Variants in TENM2 observed in about 807,000 individuals in gnomAD.
TENM2 encodes teneurin transmembrane protein 2.
Under a neutral mutation model 245.2 loss-of-function variants are expected in TENM2, and 52 were observed. That is an observed-to-expected ratio of 0.21 (90% CI 0.17 to 0.27). The LOEUF is 0.27. Among genes scored for constraint, TENM2 ranks in the 10% least tolerant of loss-of-function variants. The probability of loss-of-function intolerance (pLI) is 1.00; values close to 1 mark genes in which losing one functional copy is unlikely to be tolerated. For missense variants in TENM2, 3,046 were observed against 3,666.8 expected, an observed-to-expected ratio of 0.83 and a Z score of 4.37; for synonymous variants, 1,363 against 1,438.9, an observed-to-expected ratio of 0.95 and a Z score of 1.19.
chr5:167,925,867 A>G (rs1364099485), intron 3 of TENM2, among the ~76,000 whole-genome samples: 1 of 152,228 alleles, frequency 6.6e-6, no homozygotes, highest in East Asian at 1.9e-4. Flanking sequence ...AAAGCCAAAT[A>G]TCACATGTTC....
intron 2 of TENM2, among the ~76,000 whole-genome samples, chr5:167,550,663 A>G (rs1772866689): frequency 6.8e-6 from 1 of 148,076 alleles, no homozygotes; most frequent in African/African-American, 2.5e-5. Flanking sequence ...AGGCTAGAGT[A>G]CTTTCTACAC....
the TENM2 span, among the ~76,000 whole-genome samples, chr5:167,142,711 C>T: frequency 6.6e-6 from 1 of 152,036 alleles, no homozygotes; most frequent in Non-Finnish European, 1.5e-5. Flanking sequence ...CCACTATGCC[C>T]AGCTAATTTT....
chr5:167,473,372 G>T (rs1767159419), intron 2 of TENM2, among the ~76,000 whole-genome samples: 1 of 152,004 alleles, frequency 6.6e-6, no homozygotes, highest in Non-Finnish European at 1.5e-5. Context: ...TCCCAGGCAT[G>T]GTCTGGCACT....
intron 3 of TENM2, chr5:167,937,631 G>A (rs1778829025): frequency 6.6e-6 from 1 of 152,048 alleles, no homozygotes; most frequent in South Asian, 2.1e-4. Flanking sequence ...TAATGAAACA[G>A]TCCTTACATT....
intron 9 of TENM2, among the ~76,000 whole-genome samples, chr5:168,106,348 T>TCATCATCAC (rs935400051): frequency 1.3e-5 from 2 of 151,926 alleles, no homozygotes; most frequent in Admixed American, 1.3e-4. Context: ...AAACAAATCA[T>TCATCATCAC]CATCATCATC....
At chr5:167,516,445 A>G (rs1342517132) in intron 2 of TENM2, among the ~76,000 whole-genome samples, 1 of 152,168 alleles carries the variant, frequency 6.6e-6, no homozygotes, top group Non-Finnish European at 1.5e-5. Context: ...GCCTTTTTCC[A>G]TCTCTAATGG....
chr5:167,235,719 A>G, the TENM2 span, among the ~76,000 whole-genome samples: 2 of 152,132 alleles, frequency 1.3e-5, no homozygotes, highest in Non-Finnish European at 2.9e-5. Context: ...CCAGCAGAAA[A>G]AGACCACCTT....
At chr5:167,154,859 A>C in the TENM2 span, among the ~76,000 whole-genome samples, 1 of 152,238 alleles carries the variant, frequency 6.6e-6, no homozygotes, top group Non-Finnish European at 1.5e-5. Context: ...TAATTAGCAG[A>C]GTGTTGGGCA....
chr5:167,703,259 T>C (rs533388775), intron 2 of TENM2, among the ~76,000 whole-genome samples: 19 of 152,180 alleles, frequency 1.2e-4, no homozygotes, highest in African/African-American at 4.6e-4. Context: ...AAGCCAGACA[T>C]AGTGGCTCAC....
chr5:168,262,275 C>T (rs773992170), exon 29 of TENM2: 13 of 1,608,360 alleles, frequency 8.1e-6, no homozygotes, highest in Non-Finnish European at 1.1e-5. Context: ...CGCAAGGTGG[C>T]ATCTGTGCTG....
At chr5:167,269,670 TCC>T in the TENM2 span, among the ~76,000 whole-genome samples, 1 of 152,086 alleles carries the variant, frequency 6.6e-6, no homozygotes, top group Non-Finnish European at 1.5e-5. Flanking sequence ...TACATTGCAT[TCC>T]ACTCTGAAAG....
At chr5:167,167,068 G>T in the TENM2 span, among the ~76,000 whole-genome samples, 1 of 152,118 alleles carries the variant, frequency 6.6e-6, no homozygotes, top group Non-Finnish European at 1.5e-5. Flanking sequence ...TTACAAAAAT[G>T]CTTGGCCGAG....
intron 1 of TENM2, among the ~76,000 whole-genome samples, chr5:167,330,540 C>CCCTGTCATAACACTT (rs1757377407): frequency 6.6e-6 from 1 of 152,158 alleles, no homozygotes; most frequent in East Asian, 2.0e-4. Context: ...AGTAGTCTCT[C>CCCTGTCATAACACTT]CCTGTCATAA....
At chr5:168,068,681 GA>G (rs1291909250) in intron 7 of TENM2, among the ~76,000 whole-genome samples, 2 of 151,866 alleles carry the variant, frequency 1.3e-5, no homozygotes, top group African/African-American at 4.8e-5. Context: ...TACTTTTATC[GA>G]AAAAAACATA....
At chr5:168,073,379 A>T (rs1791189758) in intron 7 of TENM2, among the ~76,000 whole-genome samples, 1 of 152,174 alleles carries the variant, frequency 6.6e-6, no homozygotes, top group Non-Finnish European at 1.5e-5. Context: ...AGGCAAGGAG[A>T]AAGACAAGAG....
chr5:167,294,869 T>A (rs1476800643), intron 1 of TENM2, among the ~76,000 whole-genome samples: 1 of 152,166 alleles, frequency 6.6e-6, no homozygotes, highest in African/African-American at 2.4e-5. Flanking sequence ...TCTTCCTATG[T>A]CTATTTTTTT....
intron 21 of TENM2, among the ~76,000 whole-genome samples, chr5:168,216,322 T>A (rs1159641729): frequency 1.3e-5 from 2 of 152,142 alleles, no homozygotes; most frequent in Admixed American, 6.5e-5. Context: ...GAATTAGGAG[T>A]TTGTAACTAC....
At chr5:168,000,400 G>A (rs1371783019) in intron 5 of TENM2, among the ~76,000 whole-genome samples, 8 of 152,158 alleles carry the variant, frequency 5.3e-5, no homozygotes, top group Non-Finnish European at 1.2e-4. Context: ...GCACATACAT[G>A]GACTTTGGTG....
At chr5:167,738,905 A>G (rs1331944730) in intron 2 of TENM2, among the ~76,000 whole-genome samples, 2 of 152,166 alleles carry the variant, frequency 1.3e-5, no homozygotes, top group Admixed American at 6.5e-5. Context: ...TAAATGCCCT[A>G]TCTCCACATA....
Sources: allele counts gnomAD v4.1 joint callset (sites outside exome capture counted in the v4.1 genomes callset), GRCh38; gene constraint gnomAD v4.1.1; transcripts MANE v1.5; gene names NCBI Gene and HGNC (gene_info 2026-07-23, HGNC 2026-07-21).